Variants in SENP5 observed in about 807,000 individuals in gnomAD.
SENP5 encodes the protein sentrin-specific protease 5.
Under a neutral mutation model 74.2 loss-of-function variants are expected in SENP5, and 21 were observed. The observed-to-expected ratio is 0.28, with a 90% CI of 0.20 to 0.41. SENP5 has a LOEUF of 0.41. Among genes scored for constraint, SENP5 ranks in the 10% least tolerant of loss-of-function variants. The pLI, the probability that SENP5 is intolerant of heterozygous loss-of-function variation, is 1.00. For missense variants in SENP5, 717 were observed against 889.1 expected (o/e 0.81, Z 2.46); for synonymous variants, 311 against 312.7 (o/e 0.99, Z 0.06).
chr3:196,868,995 C>A (rs1427871974), intron 1 of SENP5, among the ~76,000 whole-genome samples: 1 of 151,684 alleles, frequency 6.6e-6, no homozygotes, highest in Non-Finnish European at 1.5e-5. Flanking sequence ...TTTGGGTGGG[C>A]AGCATCAGGA....
intron 7 of SENP5, among the ~76,000 whole-genome samples, 169 bp from the exon 8 acceptor site, chr3:196,927,627 T>G (rs1019224395): frequency 1.2e-4 from 17 of 137,224 alleles, no homozygotes. Context: ...CAGAGCAAGA[T>G]CCTCTCTTTA....
chr3:196,895,286 T>C (rs1714396062), intron 2 of SENP5, among the ~76,000 whole-genome samples: 2 of 150,548 alleles, frequency 1.3e-5, no homozygotes, highest in African/African-American at 4.9e-5. Context: ...CCGCCTCCCA[T>C]GTTCACGCCA....
At chr3:196,929,807 C>T (rs922320469) in intron 9 of SENP5, 124 bp downstream of exon 9, 13 of 698,200 alleles carry the variant, frequency 1.9e-5, no homozygotes, top group Non-Finnish European at 3.0e-5. Flanking sequence ...AGTACTTTCC[C>T]TCCCCTTTAT....
chr3:196,933,652 G>C lies in SENP5; in HGVS notation c.*2729G>C, dbSNP rs1716131601. The C allele has an allele frequency of 6.6e-6, 1 of 151,920 alleles. No homozygotes were observed. 9.4% of individuals were successfully genotyped at this position (151,920 alleles called of 1,614,324 possible). On this transcript the variant is annotated 3_prime_UTR_variant, in exon 10 of 10. Coordinates refer to ENST00000323460, the MANE Select transcript of SENP5 (RefSeq NM_152699.5). ...GTCTTGCTCTGTTGCCCAGGCTGGA[G>C]TGCAGTGATGTGATCTCGGCTCACT...
intron 7 of SENP5, among the ~76,000 whole-genome samples, chr3:196,926,493 A>AAG (rs1715817737): frequency 6.6e-6 from 1 of 152,056 alleles, no homozygotes; most frequent in African/African-American, 2.4e-5. Flanking sequence ...AAAAAAAAAA[A>AAG]AAAAGAATTT....
intron 8 of SENP5, 132 bp from the exon 9 acceptor site, chr3:196,929,501 T>TAAA (rs1715944161): frequency 1.4e-5 from 8 of 573,866 alleles, no homozygotes; most frequent in Non-Finnish European, 2.1e-5. Context: ...ATGCTTGAGA[T>TAAA]ATCAGATATA....
chr3:196,931,974 C>T lies in SENP5; in HGVS notation c.*1051C>T, dbSNP rs1028333854. 12 of 446,298 alleles carry T rather than the reference C, an allele frequency of 2.7e-5. No homozygotes were observed. The highest frequency in any genetic ancestry group is 4.0e-5 in the African/African-American group (2 of 49,492). The allele number at this position is 446,298 out of a possible 1,614,324, so 27.6% of individuals were successfully genotyped here. A position where few individuals can be genotyped will look rare whatever the true frequency, so the allele number is the denominator to read the frequency against. ...CTTAGTCCCATGGGAGCGCAGCAAC[C>T]GTGTCAGGTTCTTTCTCCTGTCCCA... On this transcript the variant is annotated 3_prime_UTR_variant, in exon 10 of 10. Coordinates refer to ENST00000323460, the MANE Select transcript of SENP5 (RefSeq NM_152699.5).
At position 196,885,203 on chromosome 3, in the gene SENP5, C is replaced by A. The variant is rs552959119; in HGVS notation, c.22C>A (p.Leu8Ile). The change falls in exon 2 of 10, where the codon CTA becomes ATA. Residue 8 changes from leucine to isoleucine, a missense_variant. This residue lies in a region of SENP5 where 567 missense variants were observed against 577.4 expected (regional missense o/e 0.98). Transcript: ENST00000323460. MKKQRKI[L>I]WRKGIHLAFS... ...AAAAATGAAAAAACAGAGGAAAATT[C>A]TATGGAGGAAAGGAATCCACTTAGC... is the stretch of plus-strand genomic sequence containing the variant. 172 of 1,611,218 alleles carry A rather than the reference C, an allele frequency of 1.1e-4. 3 individuals carry two copies. In the South Asian group the frequency reaches 1.7e-3, roughly 16 times the overall value.
intron 1 of SENP5, among the ~76,000 whole-genome samples, chr3:196,884,271 T>C (rs540330260): frequency 7.2e-5 from 11 of 152,310 alleles, no homozygotes; most frequent in Admixed American, 2.0e-4. Flanking sequence ...CTTTATCAAA[T>C]GCTCTCACCC....
chr3:196,928,035 TTCA>T (rs1715881427), intron 8 of SENP5, among the ~76,000 whole-genome samples, 156 bp downstream of exon 8: 2 of 152,176 alleles, frequency 1.3e-5, no homozygotes, highest in Non-Finnish European at 2.9e-5. Context: ...CAGTTGACTA[TTCA>T]TCATCGCTGC....
At chr3:196,915,810 C>T (rs1203456594) in intron 6 of SENP5, among the ~76,000 whole-genome samples, 1 of 152,190 alleles carries the variant, frequency 6.6e-6, no homozygotes, top group Non-Finnish European at 1.5e-5. Context: ...GGTGAGACCT[C>T]CAGGAGCCTG....
intron 6 of SENP5, among the ~76,000 whole-genome samples, chr3:196,916,659 C>T (rs1157393238): frequency 1.3e-5 from 2 of 151,650 alleles, no homozygotes; most frequent in Admixed American, 6.6e-5. Context: ...TCCTGAGTAA[C>T]TGGGATTACA....
chr3:196,874,869 G>GA lies in SENP5; in HGVS notation c.-32+6809dup, dbSNP rs769406120. 4.3e-3 allele frequency among the ~76,000 whole-genome samples: 621 copies of GA among 144,438 alleles called. 5 individuals carry two copies. The highest frequency in any genetic ancestry group is 6.7e-3 in the Non-Finnish European group (435 of 65,362). 94.8% of individuals were successfully genotyped at this position (144,438 alleles called of 152,430 possible). A position where few individuals can be genotyped will look rare whatever the true frequency, so the allele number is the denominator to read the frequency against. The stretch of plus-strand genomic sequence containing the variant: ...ACTCCAGCCTGGGCAACAAGAGTGG[G>GA]AAAAAAAAAAAAATTCCTAGAGTTC... On this transcript the variant is annotated intron_variant, in intron 1 of 9. Transcript: ENST00000323460.
chr3:196,895,266 G>T (rs149138398), intron 2 of SENP5, among the ~76,000 whole-genome samples: 1 of 146,118 alleles, frequency 6.8e-6, no homozygotes, highest in Non-Finnish European at 1.5e-5. Context: ...ATCTCAGCTC[G>T]CTGCAAGCTC....
At chr3:196,909,350 C>T (rs534269689) in intron 6 of SENP5, among the ~76,000 whole-genome samples, 1 of 152,208 alleles carries the variant, frequency 6.6e-6, no homozygotes, top group Non-Finnish European at 1.5e-5. Flanking sequence ...GGAGCTGATA[C>T]CATTCCTTCT....
intron 1 of SENP5, among the ~76,000 whole-genome samples, chr3:196,876,450 G>A (rs1427086733): frequency 2.0e-5 from 3 of 151,426 alleles, no homozygotes; most frequent in Non-Finnish European, 2.9e-5. Flanking sequence ...CCCGGGAGGC[G>A]GAGCTTGCAG....
At chr3:196,916,216 A>G (rs977121901) in intron 6 of SENP5, among the ~76,000 whole-genome samples, 3 of 152,076 alleles carry the variant, frequency 2.0e-5, no homozygotes, top group African/African-American at 7.2e-5. Flanking sequence ...AATCCCAGCT[A>G]TTCAGGAGGC....
At chr3:196,869,349 GCC>G (rs1381321800) in intron 1 of SENP5, among the ~76,000 whole-genome samples, 2 of 151,892 alleles carry the variant, frequency 1.3e-5, no homozygotes, top group Admixed American at 6.6e-5. Context: ...GATTACAGGT[GCC>G]CGCCATCGCG....
chr3:196,910,049 A>G (rs1462174513), intron 6 of SENP5, among the ~76,000 whole-genome samples: 1 of 152,160 alleles, frequency 6.6e-6, no homozygotes, highest in Non-Finnish European at 1.5e-5. Flanking sequence ...AACTTTAGCA[A>G]AGTCTCAGGA....
Sources: allele counts gnomAD v4.1 joint callset (sites outside exome capture counted in the v4.1 genomes callset), GRCh38; gene constraint gnomAD v4.1.1; regional missense constraint gnomAD v4.1.1; transcripts MANE v1.5; gene names NCBI Gene and HGNC (gene_info 2026-07-23, HGNC 2026-07-21).